OIT3: variants seen among roughly 807,000 people sequenced by gnomAD.
OIT3 encodes the protein oncoprotein induced transcript 3.
OIT3 carries 41 observed loss-of-function variants against 52.2 expected under a neutral mutation model. The observed-to-expected ratio is 0.79, with a 90% CI of 0.61 to 1.02. OIT3 has a LOEUF of 1.02. OIT3 is among the 50% of genes least tolerant of loss of function. The probability of loss-of-function intolerance (pLI) is 0.00; values close to 1 mark genes in which losing one functional copy is unlikely to be tolerated. For synonymous variants in OIT3, 244 were observed against 276.9 expected, an observed-to-expected ratio of 0.88 and a Z score of 1.18; for missense variants, 634 against 715.5, an observed-to-expected ratio of 0.89 and a Z score of 1.30.
intron 4 of OIT3, 142 bp downstream of exon 4, chr10:72,906,860 CAT>C: frequency 2.8e-6 from 2 of 721,844 alleles, no homozygotes; most frequent in Non-Finnish European, 4.4e-6. Flanking sequence ...CGTTCATCAA[CAT>C]TGAGAATACT....
intron 4 of OIT3, among the ~76,000 whole-genome samples, chr10:72,909,873 T>C (rs541787423): frequency 1.3e-5 from 2 of 152,298 alleles, no homozygotes; most frequent in African/African-American, 4.8e-5. Flanking sequence ...TTTGAACTCC[T>C]GACCTCACAC....
chr10:72,919,805 A>G (rs1428484888), intron 6 of OIT3, among the ~76,000 whole-genome samples: 1 of 152,106 alleles, frequency 6.6e-6, no homozygotes, highest in Non-Finnish European at 1.5e-5. Context: ...AGCCTACTTG[A>G]TCGTGGTGAA....
chr10:72,919,808 G>A lies in OIT3; in HGVS notation c.952-4421G>A, dbSNP rs138090228. 4.8e-3 allele frequency among the ~76,000 whole-genome samples: 730 copies of A among 152,218 alleles called. 4 individuals carry two copies. Among genetic ancestry groups the A allele is most frequent in the African/African-American group, 0.016 (681 of 41,548 alleles). On this transcript the variant is annotated intron_variant, in intron 6 of 8. Coordinates refer to ENST00000334011, the MANE Select transcript of OIT3 (RefSeq NM_152635.3). ...TCCTGGGGATGAAGCCTACTTGATCGTGGTGAATAAGATTTTTGATGTGCT... is the reference window on the plus strand; with the variant it reads ...TCCTGGGGATGAAGCCTACTTGATCATGGTGAATAAGATTTTTGATGTGCT...
intron 3 of OIT3, among the ~76,000 whole-genome samples, chr10:72,901,439 T>C (rs1185136270): frequency 1.3e-5 from 2 of 152,212 alleles, no homozygotes; most frequent in Non-Finnish European, 2.9e-5. Context: ...ATTATTTCTC[T>C]TTCTCTTTAA....
intron 1 of OIT3, among the ~76,000 whole-genome samples, chr10:72,898,114 C>T (rs1845892854): frequency 6.9e-6 from 1 of 145,302 alleles, no homozygotes; most frequent in African/African-American, 2.7e-5. Flanking sequence ...AAAACCCTAT[C>T]TCTACCAAAA....
chr10:72,932,242 T>C (rs983697846), intron 8 of OIT3, 112 bp from the exon 9 acceptor site: 2 of 954,948 alleles, frequency 2.1e-6, no homozygotes, highest in South Asian at 3.0e-5. Context: ...GTGGATGTCC[T>C]TGTTAAGATT....
Position 72,913,621 on chromosome 10 carries a change from A to G in OIT3, c.951+153A>G, listed in dbSNP as rs906494350. On this transcript the variant is annotated intron_variant, in intron 6 of 8. Coordinates refer to ENST00000334011, the MANE Select transcript of OIT3 (RefSeq NM_152635.3). ...AACATCTTACGTCATTCTTTTAACC[A>G]ACGTGTTATTGAGCATCTGCTGTGG... 3 of 727,838 alleles carry G rather than the reference A, an allele frequency of 4.1e-6. No individual in the cohort carries two copies. In the African/African-American group the frequency reaches 5.2e-5, roughly 13 times the overall value. 45.1% of individuals were successfully genotyped at this position (727,838 alleles called of 1,614,324 possible).
At chr10:72,916,910 C>A (rs1451104773) in intron 6 of OIT3, among the ~76,000 whole-genome samples, 1 of 152,166 alleles carries the variant, frequency 6.6e-6, no homozygotes, top group African/African-American at 2.4e-5. Context: ...TTTTGATTTG[C>A]ATTTCTGTAA....
At chr10:72,904,234 G>A (rs1471460100) in intron 3 of OIT3, among the ~76,000 whole-genome samples, 2 of 152,058 alleles carry the variant, frequency 1.3e-5, no homozygotes, top group Non-Finnish European at 2.9e-5. Context: ...CCCTTAAGAG[G>A]GACAGGAATT....
chr10:72,899,425 T>C (rs1456554245), intron 2 of OIT3, among the ~76,000 whole-genome samples: 2 of 151,852 alleles, frequency 1.3e-5, no homozygotes, highest in Non-Finnish European at 2.9e-5. Context: ...TGAAACCCTG[T>C]CTCTACTAGA....
chr10:72,911,800 C>T lies in OIT3; in HGVS notation c.751C>T (p.Arg251Trp), dbSNP rs147795814. 129 of 1,613,400 alleles carry T rather than the reference C, an allele frequency of 8.0e-5. 6 individuals are homozygous for T. Among genetic ancestry groups the T allele is most frequent in the East Asian group, 3.8e-4 (17 of 44,848 alleles). ...GAAAGGCTACCAGTGTGAATGTCCC[C>T]GGGGCCTGGTGCTGTCTGAGGATAA... ...SEKGYQCECPRGLVLSEDNHT... is the reference protein window; with the variant it reads ...SEKGYQCECPWGLVLSEDNHT... Residue 251 changes from arginine to tryptophan, a missense_variant, in exon 5 of 9, where the codon CGG becomes TGG. Coordinates refer to ENST00000334011, the MANE Select transcript of OIT3 (RefSeq NM_152635.3).
chr10:72,915,001 G>A (rs565185583), intron 6 of OIT3, among the ~76,000 whole-genome samples: 1 of 152,154 alleles, frequency 6.6e-6, no homozygotes, highest in African/African-American at 2.4e-5. Flanking sequence ...AAGTAGCTGG[G>A]ATTACAGGCA....
At chr10:72,912,534 G>T (rs755222445) in intron 5 of OIT3, among the ~76,000 whole-genome samples, 1 of 152,132 alleles carries the variant, frequency 6.6e-6, no homozygotes, top group South Asian at 2.1e-4. Flanking sequence ...GCTTCCCAAA[G>T]TGTTGGGATT....
chr10:72,893,936 A>G lies in OIT3; in HGVS notation c.61+77A>G, dbSNP rs1845851970. On this transcript the variant is annotated intron_variant, in intron 1 of 8. Transcript: ENST00000334011. The stretch of plus-strand genomic sequence containing the variant: ...TGCTATAATGTACAGATGATTAAGA[A>G]CTAGATTCCAGTACCTTAAATGCTA... 6.1e-6 allele frequency: 6 copies of G among 987,012 alleles called. 1 individual carries two copies. The highest frequency in any genetic ancestry group is 2.7e-5 in the East Asian group (1 of 37,190). 61.1% of individuals were successfully genotyped at this position (987,012 alleles called of 1,614,324 possible).
At chr10:72,910,848 G>T (rs563013640) in intron 4 of OIT3, among the ~76,000 whole-genome samples, 1 of 152,192 alleles carries the variant, frequency 6.6e-6, no homozygotes, top group Non-Finnish European at 1.5e-5. Context: ...CTCTGTTCTT[G>T]TAGTGAGAAA....
chr10:72,920,943 G>C lies in OIT3; in HGVS notation c.952-3286G>C, dbSNP rs11523823. ...CTTCTGTAGATAATTATCAAGTCCA[G>C]TTGATCCAGAGCTGAGTTCAGGTCC... On this transcript the variant is annotated intron_variant, in intron 6 of 8. Coordinates refer to ENST00000334011, the MANE Select transcript of OIT3 (RefSeq NM_152635.3). 3.8e-3 allele frequency among the ~76,000 whole-genome samples: 584 copies of C among 152,212 alleles called. 8 individuals are homozygous for C. The highest frequency in any genetic ancestry group is 0.013 in the African/African-American group (542 of 41,538).
Position 72,918,126 on chromosome 10 carries a change from C to T in OIT3, c.951+4658C>T, listed in dbSNP as rs1285117024. ...AGGGGCAGACTGCTTTCCAGTTATACTTAAGAGTTTCACATCCTCCTCCTC... is the reference window on the plus strand; with the variant it reads ...AGGGGCAGACTGCTTTCCAGTTATATTTAAGAGTTTCACATCCTCCTCCTC... On this transcript the variant is annotated intron_variant, in intron 6 of 8. Coordinates refer to ENST00000334011, the MANE Select transcript of OIT3 (RefSeq NM_152635.3). 41 of 1,410,808 alleles carry T rather than the reference C, an allele frequency of 2.9e-5. No individual in the cohort carries two copies. In the Admixed American group the frequency reaches 6.2e-4, roughly 21 times the overall value. The allele number at this position is 1,410,808 out of a possible 1,614,324, so 87.4% of individuals were successfully genotyped here.
intron 4 of OIT3, among the ~76,000 whole-genome samples, chr10:72,910,848 G>A (rs563013640): frequency 6.6e-6 from 1 of 152,310 alleles, no homozygotes; most frequent in South Asian, 2.1e-4. Context: ...CTCTGTTCTT[G>A]TAGTGAGAAA....
At chr10:72,925,647 C>G (rs1716605870) in intron 7 of OIT3, among the ~76,000 whole-genome samples, 1 of 152,180 alleles carries the variant, frequency 6.6e-6, no homozygotes, top group Admixed American at 6.5e-5. Flanking sequence ...GGGTCTTGCT[C>G]TGTCACCCAG....
Sources: gnomAD v4.1 joint callset for allele counts (sites outside exome capture counted in the v4.1 genomes callset) on GRCh38, gnomAD v4.1.1 for gene constraint, MANE v1.5 for transcripts, NCBI Gene and HGNC (gene_info 2026-07-23, HGNC 2026-07-21) for gene names.